Variants in FHIP1A observed in about 807,000 individuals in gnomAD.
FHIP1A encodes the protein FHF complex subunit HOOK interacting protein 1A.
A neutral mutation model predicts 88.6 loss-of-function variants in FHIP1A; 61 were observed. The observed-to-expected ratio is 0.69, with a 90% CI of 0.56 to 0.85. The LOEUF (loss-of-function observed/expected upper bound fraction) is 0.85. Ranked by LOEUF, FHIP1A falls within the 40% of genes least tolerant of loss-of-function variation. The pLI, the probability that FHIP1A is intolerant of heterozygous loss-of-function variation, is 0.00. For synonymous variants in FHIP1A, 478 were observed against 496.0 expected, an observed-to-expected ratio of 0.96 and a Z score of 0.48; for missense variants, 1,154 against 1,273.5, an observed-to-expected ratio of 0.91 and a Z score of 1.43.
chr4:151,621,795 C>CT (rs199966761), intron 7 of FHIP1A, among the ~76,000 whole-genome samples: 5,329 of 142,690 alleles, frequency 0.037, 274 homozygotes, highest in African/African-American at 0.12. Context: ...GGAAGCATTT[C>CT]TTTTTTTTTT....
At chr4:151,421,063 A>G (rs1289641777) in intron 1 of FHIP1A, among the ~76,000 whole-genome samples, 1 of 152,222 alleles carries the variant, frequency 6.6e-6, no homozygotes, top group African/African-American at 2.4e-5. Flanking sequence ...CTGATTTGCA[A>G]CGATTTTTGC....
At chr4:151,642,397 G>A (rs1050588098) in intron 9 of FHIP1A, among the ~76,000 whole-genome samples, 1 of 152,228 alleles carries the variant, frequency 6.6e-6, no homozygotes, top group African/African-American at 2.4e-5. Flanking sequence ...GAGAAGCTGT[G>A]TGTATACTTC....
At chr4:151,565,301 G>A (rs1394828091) in intron 3 of FHIP1A, among the ~76,000 whole-genome samples, 2 of 152,046 alleles carry the variant, frequency 1.3e-5, no homozygotes, top group Admixed American at 6.6e-5. Context: ...CATATTCACC[G>A]TACACTCTAT....
chr4:151,445,941 AATC>A (rs1728584869), intron 1 of FHIP1A, among the ~76,000 whole-genome samples: 1 of 149,266 alleles, frequency 6.7e-6, no homozygotes, highest in Admixed American at 6.8e-5. Context: ...GTGTTTGTGT[AATC>A]ATATAATCAT....
chr4:151,475,062 G>GT (rs1262469047), intron 2 of FHIP1A, among the ~76,000 whole-genome samples: 45 of 152,284 alleles, frequency 3.0e-4, no homozygotes, highest in Non-Finnish European at 5.7e-4. Flanking sequence ...TTAGACGTAG[G>GT]TTTTAGTTTC....
At chr4:151,423,045 T>C (rs188884145) in intron 1 of FHIP1A, among the ~76,000 whole-genome samples, 8 of 152,350 alleles carry the variant, frequency 5.3e-5, no homozygotes, top group Admixed American at 5.2e-4. Context: ...GACACAGGAA[T>C]ATTCCTCTGA....
At chr4:151,573,271 AAC>A (rs140733704) in intron 4 of FHIP1A, among the ~76,000 whole-genome samples, 69 of 146,744 alleles carry the variant, frequency 4.7e-4, no homozygotes, top group South Asian at 1.7e-3. Flanking sequence ...GATGCATCCA[AAC>A]ACACACACAC....
At chr4:151,452,032 G>C (rs1394623479) in intron 1 of FHIP1A, among the ~76,000 whole-genome samples, 1 of 151,948 alleles carries the variant, frequency 6.6e-6, no homozygotes, top group Non-Finnish European at 1.5e-5. Flanking sequence ...CGCTGCCTAG[G>C]TTGGTCTTAA....
chr4:151,661,099 G>A (rs1014860643), intron 13 of FHIP1A, among the ~76,000 whole-genome samples: 4 of 152,140 alleles, frequency 2.6e-5, no homozygotes, highest in Admixed American at 2.6e-4. Flanking sequence ...GCAGGTCTCG[G>A]TCTGGGAGTA....
intron 7 of FHIP1A, among the ~76,000 whole-genome samples, chr4:151,600,637 C>T (rs1054816148): frequency 1.3e-5 from 2 of 152,188 alleles, no homozygotes; most frequent in Non-Finnish European, 2.9e-5. Flanking sequence ...ATGGTGGGGA[C>T]AGCTCATCAC....
At chr4:151,585,333 C>T (rs1298940757) in intron 5 of FHIP1A, among the ~76,000 whole-genome samples, 1 of 152,122 alleles carries the variant, frequency 6.6e-6, no homozygotes, top group Non-Finnish European at 1.5e-5. Flanking sequence ...CCTTGTGCCA[C>T]CACACCCAGC....
intron 3 of FHIP1A, among the ~76,000 whole-genome samples, chr4:151,498,062 C>G (rs1308963488): frequency 6.6e-6 from 1 of 152,182 alleles, no homozygotes; most frequent in Non-Finnish European, 1.5e-5. Flanking sequence ...CTGACCCCCT[C>G]TCTCTGCTCA....
chr4:151,513,511 T>G (rs920254602), intron 3 of FHIP1A, among the ~76,000 whole-genome samples: 11 of 152,084 alleles, frequency 7.2e-5, no homozygotes, highest in African/African-American at 2.7e-4. Flanking sequence ...GACTGGCAAA[T>G]TGGATAAAGA....
intron 1 of FHIP1A, among the ~76,000 whole-genome samples, chr4:151,412,734 G>T (rs1169334750): frequency 6.8e-6 from 1 of 146,198 alleles, no homozygotes; most frequent in Non-Finnish European, 1.5e-5. Flanking sequence ...GCCTAGGCTG[G>T]AGTGCAATGG....
chr4:151,564,872 G>A (rs1733322426), intron 3 of FHIP1A, among the ~76,000 whole-genome samples: 1 of 152,032 alleles, frequency 6.6e-6, no homozygotes, highest in South Asian at 2.1e-4. Flanking sequence ...ATGTCGAATG[G>A]TTGCCCTCCT....
chr4:151,487,188 CT>C (rs1392400158), intron 3 of FHIP1A, among the ~76,000 whole-genome samples: 6 of 152,136 alleles, frequency 3.9e-5, no homozygotes, highest in African/African-American at 1.4e-4. Flanking sequence ...TATTTCTTAT[CT>C]TTAAGCCTGT....
rs1028023444 is a variant in FHIP1A at position 151,668,556 on chromosome 4, C to T, written c.*5802C>T. ...AGGCCTCCACCTTGAAAGACAGGAA[C>T]AGAAGTTCACTGTGATGTGTGACCC... On this transcript the variant is annotated 3_prime_UTR_variant, in exon 14 of 14. Coordinates refer to ENST00000435205, the MANE Select transcript of FHIP1A (RefSeq NM_001109977.3). 2.6e-5 allele frequency among the ~76,000 whole-genome samples: 4 copies of T among 152,186 alleles called. No homozygotes were observed. Among genetic ancestry groups the T allele is most frequent in the Non-Finnish European group, 5.9e-5 (4 of 68,038 alleles).
intron 3 of FHIP1A, among the ~76,000 whole-genome samples, chr4:151,516,623 C>T (rs1731248479): frequency 6.6e-6 from 1 of 152,128 alleles, no homozygotes; most frequent in Admixed American, 6.5e-5. Flanking sequence ...CAAACAACCC[C>T]ATCAAAAAGT....
Position 151,662,543 on chromosome 4 carries a change from T to C in FHIP1A, c.2912T>C (p.Leu971Pro), listed in dbSNP as rs1396853670. 2 of 1,549,142 alleles carry C rather than the reference T, an allele frequency of 1.3e-6. No homozygotes were observed. Among genetic ancestry groups the C allele is most frequent in the Non-Finnish European group, 1.7e-6 (2 of 1,145,650 alleles). ...TCCAGGACAGGAAGTGGCAAGAACC[T>C]TTTGGATGGACCTCCAAGAGTGCTT... ...EASRTGSGKN[L>P]LDGPPRVLQP... Residue 971 changes from leucine to proline, a missense_variant, in exon 14 of 14, where the codon CTT becomes CCT. Physicochemically the swap from Leu to Pro is moderately conservative, Grantham distance 98 (BLOSUM62 -3). Coordinates refer to ENST00000435205, the MANE Select transcript of FHIP1A (RefSeq NM_001109977.3).
Sources: allele counts gnomAD v4.1 joint callset (sites outside exome capture counted in the v4.1 genomes callset), GRCh38; gene constraint gnomAD v4.1.1; transcripts MANE v1.5; gene names NCBI Gene and HGNC (gene_info 2026-07-23, HGNC 2026-07-21).